The following CTLA4 variants were observed in gnomAD, a reference collection of about 807,000 sequenced individuals.
CTLA4 encodes the protein cytotoxic T-lymphocyte associated protein 4, also known as cytotoxic T-lymphocyte protein 4.
In CTLA4, 3 loss-of-function variants were observed where a neutral mutation model predicts 20.4. The observed-to-expected ratio is 0.15, with a 90% CI of 0.07 to 0.38. CTLA4 has a LOEUF of 0.38. Among genes scored for constraint, CTLA4 ranks in the 10% least tolerant of loss-of-function variants. The pLI, the probability that CTLA4 is intolerant of heterozygous loss-of-function variation, is 1.00. For synonymous variants in CTLA4, 100 were observed against 105.2 expected (o/e 0.95, Z 0.30); for missense variants, 184 against 276.8 (o/e 0.66, Z 2.38).
At chr2:203,871,729 A>T (rs923417413) in intron 3 of CTLA4, among the ~76,000 whole-genome samples, 2 of 152,186 alleles carry the variant, frequency 1.3e-5, no homozygotes, top group African/African-American at 4.8e-5. Context: ...GCAGGGTTTC[A>T]ATTTGAGTAA....
At chr2:203,872,514 C>G (rs1688751353) in intron 3 of CTLA4, among the ~76,000 whole-genome samples, 194 bp from the exon 4 acceptor site, 1 of 152,206 alleles carries the variant, frequency 6.6e-6, no homozygotes, top group Non-Finnish European at 1.5e-5. Context: ...CATTTAACAT[C>G]AAAATCACAG....
At position 203,870,685 on chromosome 2, in the gene CTLA4, G is replaced by A. The variant is rs1581573705; in HGVS notation, c.209G>A (p.Arg70Gln). The A allele has an allele frequency of 1.9e-6, 3 of 1,614,100 alleles. No homozygotes were observed. Among genetic ancestry groups the A allele is most frequent in the Non-Finnish European group, 2.5e-6 (3 of 1,180,044 alleles). ...YASPGKATEVRVTVLRQADSQ... is the reference protein window; with the variant it reads ...YASPGKATEVQVTVLRQADSQ... Reference sequence around the variant, plus strand: ...TCTCCAGGCAAAGCCACTGAGGTCCGGGTGACAGTGCTTCGGCAGGCTGAC... The same window carrying A: ...TCTCCAGGCAAAGCCACTGAGGTCCAGGTGACAGTGCTTCGGCAGGCTGAC... Residue 70 changes from arginine (R) to glutamine (Q), a missense_variant, in exon 2 of 4, where the codon CGG becomes CAG. Coordinates refer to ENST00000648405, the MANE Select transcript of CTLA4 (RefSeq NM_005214.5). The surrounding 1 kb of genome is among the most constrained non-coding windows in gnomAD (Gnocchi z 5.3).
intron 1 of CTLA4, 88 bp downstream of exon 1, chr2:203,868,139 A>G (rs1291312220): frequency 2.0e-6 from 2 of 994,624 alleles, no homozygotes; most frequent in African/African-American, 3.2e-5. Context: ...GCAGTGATTT[A>G]TAGCAAAGCC....
chr2:203,868,803 C>T (rs946667897), intron 1 of CTLA4, among the ~76,000 whole-genome samples: 9 of 152,168 alleles, frequency 5.9e-5, no homozygotes, highest in African/African-American at 1.2e-4. Context: ...GTTTGTTACA[C>T]GGCTTAAAAT....
intron 3 of CTLA4, among the ~76,000 whole-genome samples, chr2:203,871,959 A>T (rs759518447): frequency 6.6e-6 from 1 of 152,148 alleles, no homozygotes; most frequent in African/African-American, 2.4e-5. Context: ...AGCTGCTCAC[A>T]TGACACCTAT....
rs1405596225 is a variant in CTLA4, at chr2:203,870,686, G to A, written c.210G>A (p.Arg70=). ...YASPGKATEV[R]VTVLRQADSQ... Reference sequence around the variant, plus strand: ...CTCCAGGCAAAGCCACTGAGGTCCGGGTGACAGTGCTTCGGCAGGCTGACA... The same window carrying A: ...CTCCAGGCAAAGCCACTGAGGTCCGAGTGACAGTGCTTCGGCAGGCTGACA... The change falls in exon 2 of 4, where the codon CGG becomes CGA. Residue 70 remains arginine (R), a synonymous_variant. Coordinates refer to ENST00000648405, the MANE Select transcript of CTLA4 (RefSeq NM_005214.5). This position sits in a 1 kb window ranked among gnomAD's most constrained non-coding sequence, Gnocchi z 5.3. 1 of 1,614,220 alleles carries A rather than the reference G, an allele frequency of 6.2e-7. No homozygotes were observed. Among genetic ancestry groups the A allele is most frequent in the Non-Finnish European group, 8.5e-7 (1 of 1,180,042 alleles).
At position 203,871,417 on chromosome 2, in the gene CTLA4, T is replaced by A; in HGVS notation, c.497T>A (p.Ile166Asn). The change falls in exon 3 of 4, where the codon ATC becomes AAC. Residue 166 changes from isoleucine to asparagine, a missense_variant. Transcript: ENST00000648405. ...PCPDSDFLLW[I>N]LAAVSSGLFF... The stretch of plus-strand genomic sequence containing the variant: ...CCAGATTCTGACTTCCTCCTCTGGA[T>A]CCTTGCAGCAGTTAGTTCGGGGTTG... The A allele has an allele frequency of 6.2e-7, 1 of 1,614,230 alleles. No homozygotes were observed. The highest frequency in any genetic ancestry group is 8.5e-7 in the Non-Finnish European group (1 of 1,180,044).
At position 203,873,069 on chromosome 2, in the gene CTLA4, G is replaced by A. The variant is rs1688762176; in HGVS notation, c.*257G>A. The A allele has an allele frequency of 1.7e-6, 1 of 578,638 alleles. No individual in the cohort carries two copies. The highest frequency in any genetic ancestry group is 2.3e-5 in the South Asian group (1 of 42,568). 35.8% of individuals were successfully genotyped at this position (578,638 alleles called of 1,614,324 possible). A position where few individuals can be genotyped will look rare whatever the true frequency, so the allele number is the denominator to read the frequency against. ...CATCACTTGGGATTAATATGGGGAT[G>A]CAGCATTATGATGTGGGTCAAGGAA... is the stretch of plus-strand genomic sequence containing the variant. On this transcript the variant is annotated 3_prime_UTR_variant, in exon 4 of 4. Transcript: ENST00000648405.
chr2:203,868,868 A>T (rs980607498), intron 1 of CTLA4, among the ~76,000 whole-genome samples: 4 of 152,218 alleles, frequency 2.6e-5, no homozygotes, highest in African/African-American at 9.6e-5. Context: ...TTCTTGGTTA[A>T]GAAACCATGT....
chr2:203,870,486 A>ATCT lies in CTLA4; in HGVS notation c.110-100_110-99insTCT. The stretch of plus-strand genomic sequence containing the variant: ...TGATAGATTCGTTGAAGGGGGGAGA[A>ATCT]AAGGCCGTGGGGATGAAGCTAGAAG... On this transcript the variant is annotated intron_variant, in intron 1 of 3. Transcript: ENST00000648405. This position sits in a 1 kb window ranked among gnomAD's most constrained non-coding sequence, Gnocchi z 5.3. 1 of 1,322,318 alleles carries ATCT rather than the reference A, an allele frequency of 7.6e-7. No homozygotes were observed. Among genetic ancestry groups the ATCT allele is most frequent in the South Asian group, 1.4e-5 (1 of 71,802 alleles). The allele number at this position is 1,322,318 out of a possible 1,614,324, so 81.9% of individuals were successfully genotyped here. A position where few individuals can be genotyped will look rare whatever the true frequency, so the allele number is the denominator to read the frequency against.
rs1431375309 is a variant in CTLA4 at position 203,870,717 on chromosome 2, G to A, written c.241G>A (p.Val81Met). 1 of 1,614,220 alleles carries A rather than the reference G, an allele frequency of 6.2e-7. No homozygotes were observed. The highest frequency in any genetic ancestry group is 1.3e-5 in the African/African-American group (1 of 75,066). ...VTVLRQADSQ[V>M]TEVCAATYMM... is the part of the protein sequence containing the mutation. ...AGTGCTTCGGCAGGCTGACAGCCAG[G>A]TGACTGAAGTCTGTGCGGCAACCTA... Residue 81 changes from valine to methionine, a missense_variant, in exon 2 of 4, where the codon GTG becomes ATG. Around this residue, in one of 3 missense-constraint regions of CTLA4, gnomAD observed 147 missense variants for 223.4 expected, o/e 0.66. Coordinates refer to ENST00000648405, the MANE Select transcript of CTLA4 (RefSeq NM_005214.5). The surrounding 1 kb of genome is among the most constrained non-coding windows in gnomAD (Gnocchi z 5.3).
rs779582328 is a variant in CTLA4 at position 203,870,562 on chromosome 2, T to C, written c.110-24T>C. 1.3e-5 allele frequency: 21 copies of C among 1,606,440 alleles called. No individual in the cohort carries two copies. Among genetic ancestry groups the C allele is most frequent in the African/African-American group, 2.7e-5 (2 of 74,792 alleles). On this transcript the variant is annotated intron_variant, in intron 1 of 3. Transcript: ENST00000648405. The surrounding 1 kb of genome is among the most constrained non-coding windows in gnomAD (Gnocchi z 5.3). ...CATGAAGGAGCATGAGTTCACTGAG[T>C]TCCCTTTGGCTTTTCCATGCTAGCA...
chr2:203,868,714 A>G (rs1218756079), intron 1 of CTLA4, among the ~76,000 whole-genome samples: 5 of 152,192 alleles, frequency 3.3e-5, no homozygotes, highest in South Asian at 2.1e-4. Context: ...TTGGCATACA[A>G]TACTTAATTG....
chr2:203,872,782 A>G lies in CTLA4; in HGVS notation c.642A>G (p.Gln214=). ...MPPTEPECEK[Q]FQPYFIPIN ...CAACAGAGCCAGAATGTGAAAAGCA[A>G]TTTCAGCCTTATTTTATTCCCATCA... The change falls in exon 4 of 4, where the codon CAA becomes CAG. Residue 214 remains glutamine, a synonymous_variant. Transcript: ENST00000648405. 3 of 1,611,866 alleles carry G rather than the reference A, an allele frequency of 1.9e-6. No homozygotes were observed. Among genetic ancestry groups the G allele is most frequent in the Non-Finnish European group, 2.5e-6 (3 of 1,177,926 alleles).
rs231775 is a variant in CTLA4 at position 203,867,991 on chromosome 2, A to T, written c.49A>T (p.Thr17Ser). Residue 17 changes from threonine (T) to serine (S), a missense_variant, in exon 1 of 4, where the codon ACC (threonine) becomes TCC (serine). Physicochemically the swap from Thr to Ser is moderately conservative, Grantham distance 58. This residue lies in a region of CTLA4 where 35 missense variants were observed against 36.6 expected (regional missense o/e 0.96). Coordinates refer to ENST00000648405, the MANE Select transcript of CTLA4 (RefSeq NM_005214.5). ...GCACAAGGCTCAGCTGAACCTGGCT[A>T]CCAGGACCTGGCCCTGCACTCTCCT... The part of the protein sequence containing the change: ...QRHKAQLNLA[T>S]RTWPCTLLFF... The T allele has an allele frequency of 1.2e-6, 2 of 1,613,838 alleles. No individual in the cohort carries two copies. Among genetic ancestry groups the T allele is most frequent in the East Asian group, 4.5e-5 (2 of 44,854 alleles).
chr2:203,872,691 C>T lies in CTLA4; in HGVS notation c.568-17C>T. ...TATTCCTCAGTAGTAATTACTGTTT[C>T]TTTTTGTGTTTGACAGCTAAAGAAA... is the stretch of plus-strand genomic sequence containing the variant. On this transcript the variant is annotated splice_polypyrimidine_tract_variant and intron_variant, in intron 3 of 3. Coordinates refer to ENST00000648405, the MANE Select transcript of CTLA4 (RefSeq NM_005214.5). The T allele has an allele frequency of 6.5e-7, 1 of 1,529,558 alleles. No homozygotes were observed. Among genetic ancestry groups the T allele is most frequent in the Non-Finnish European group, 9.1e-7 (1 of 1,103,366 alleles). 94.7% of individuals were successfully genotyped at this position (1,529,558 alleles called of 1,614,324 possible).
At position 203,872,699 on chromosome 2, in the gene CTLA4, G is replaced by C; in HGVS notation, c.568-9G>C. The stretch of plus-strand genomic sequence containing the variant: ...AGTAGTAATTACTGTTTCTTTTTGT[G>C]TTTGACAGCTAAAGAAAAGAAGCCC... On this transcript the variant is annotated splice_polypyrimidine_tract_variant and intron_variant, in intron 3 of 3. Transcript: ENST00000648405. 1.3e-6 allele frequency: 2 copies of C among 1,571,130 alleles called. No individual in the cohort carries two copies. The highest frequency in any genetic ancestry group is 8.8e-7 in the Non-Finnish European group (1 of 1,141,486).
At position 203,872,805 on chromosome 2, in the gene CTLA4, T is replaced by A. The variant is rs1688758291; in HGVS notation, c.665T>A (p.Ile222Asn). Residue 222 changes from isoleucine to asparagine, a missense_variant, in exon 4 of 4, where the codon ATC becomes AAC. By Grantham distance (149) the Ile-to-Asn change is moderately radical (BLOSUM62 -3). This residue lies in a region of CTLA4 where 147 missense variants were observed against 223.4 expected (regional missense o/e 0.66). Transcript: ENST00000648405. Reference protein sequence around the residue: ...EKQFQPYFIPIN With the variant: ...EKQFQPYFIPNN ...CAATTTCAGCCTTATTTTATTCCCA[T>A]CAATTGAGAAACCATTATGAAGAAG... The A allele has an allele frequency of 1.3e-6, 2 of 1,599,490 alleles. No individual in the cohort carries two copies. Among genetic ancestry groups the A allele is most frequent in the Admixed American group, 1.7e-5 (1 of 59,986 alleles).
intron 1 of CTLA4, among the ~76,000 whole-genome samples, chr2:203,868,789 C>G (rs1212363096): frequency 6.6e-6 from 1 of 152,090 alleles, no homozygotes; most frequent in Admixed American, 6.5e-5. Context: ...GAGACTGACA[C>G]CAGGTTTGTT....
Sources: gnomAD v4.1 joint callset for allele counts (sites outside exome capture counted in the v4.1 genomes callset) on GRCh38, gnomAD v4.1.1 for gene constraint, gnomAD v4.1.1 regional missense constraint, Gnocchi (gnomAD v3.1) non-coding constraint, MANE v1.5 for transcripts, NCBI Gene and HGNC (gene_info 2026-07-23, HGNC 2026-07-21) for gene names.